Variants in C2CD4A observed in about 807,000 individuals in gnomAD.
C2CD4A encodes C2 calcium-dependent domain-containing protein 4A.
In C2CD4A, 2 loss-of-function variants were observed where a neutral mutation model predicts 0.4. The observed-to-expected ratio is 4.45, with a 90% CI of 1.82 to 13.99. The LOEUF (loss-of-function observed/expected upper bound fraction) is 13.99, where lower values mean the gene tolerates loss of function less well. C2CD4A is among the 30% of genes most tolerant of loss of function. The pLI, the probability that C2CD4A is intolerant of heterozygous loss-of-function variation, is 0.04. For missense variants in C2CD4A, 610 were observed against 574.2 expected (o/e 1.06, Z -0.64); for synonymous variants, 297 against 280.8 (o/e 1.06, Z -0.58).
Position 62,068,386 on chromosome 15 carries a change from G to T in C2CD4A, c.773G>T (p.Arg258Leu). 7.3e-7 allele frequency: 1 copy of T among 1,369,932 alleles called. No homozygotes were observed. Among genetic ancestry groups the T allele is most frequent in the Non-Finnish European group, 9.4e-7 (1 of 1,067,660 alleles). 84.9% of individuals were successfully genotyped at this position (1,369,932 alleles called of 1,614,324 possible). Residue 258 changes from arginine (R) to leucine (L), a missense_variant, in exon 2 of 2, where the codon CGC (arginine) becomes CTC (leucine). By Grantham distance (102) the Arg-to-Leu change is moderately radical (BLOSUM62 -2). Transcript: ENST00000355522. Reference sequence around the variant, plus strand: ...CTGGGCCGCGCCGGCGACGCCCTGCGCCTGGCCGCCGAGTACTGTCCGGGA... The same window carrying T: ...CTGGGCCGCGCCGGCGACGCCCTGCTCCTGGCCGCCGAGTACTGTCCGGGA... ...VALGRAGDAL[R>L]LAAEYCPGTG...
Position 62,070,394 on chromosome 15 carries a change from C to G in C2CD4A, c.*1671C>G. ...TCATAGCTCACTGCAGCCTCTACCT[C>G]CTGACACAAGCTGTCATCCCGCTTT... is the stretch of plus-strand genomic sequence containing the variant. On this transcript the variant is annotated 3_prime_UTR_variant, in exon 2 of 2. Transcript: ENST00000355522. The G allele has an allele frequency of 4.8e-6, 2 of 413,402 alleles. No individual in the cohort carries two copies. Among genetic ancestry groups the G allele is most frequent in the East Asian group, 7.1e-5 (2 of 28,072 alleles). 25.6% of individuals were successfully genotyped at this position (413,402 alleles called of 1,614,324 possible). A position where few individuals can be genotyped will look rare whatever the true frequency, so the allele number is the denominator to read the frequency against.
At position 62,069,618 on chromosome 15, in the gene C2CD4A, C is replaced by T. The variant is rs1364133080; in HGVS notation, c.*895C>T. ...TAATAATAATAAATAGTTTTACAAG[C>T]GTTAATTTATGTTTTAACCCCCAAA... On this transcript the variant is annotated 3_prime_UTR_variant, in exon 2 of 2. Transcript: ENST00000355522. The T allele has an allele frequency of 3.0e-5, 5 of 166,486 alleles. No homozygotes were observed. Among genetic ancestry groups the T allele is most frequent in the Admixed American group, 2.0e-4 (3 of 15,256 alleles). The allele number at this position is 166,486 out of a possible 1,614,324, so 10.3% of individuals were successfully genotyped here.
At position 62,067,864 on chromosome 15, in the gene C2CD4A, A is replaced by G; in HGVS notation, c.251A>G (p.Asp84Gly). 6.2e-7 allele frequency: 1 copy of G among 1,607,870 alleles called. No homozygotes were observed. Among genetic ancestry groups the G allele is most frequent in the East Asian group, 2.2e-5 (1 of 44,798 alleles). ...MDEGAGRTDW[D>G]PRSQAALSLP... is the part of the protein sequence containing the mutation. ...GAGGGCGCCGGCCGCACAGACTGGGACCCGCGCTCGCAGGCCGCGCTGTCA... is the reference window on the plus strand; with the variant it reads ...GAGGGCGCCGGCCGCACAGACTGGGGCCCGCGCTCGCAGGCCGCGCTGTCA... Residue 84 changes from aspartate (D) to glycine (G), a missense_variant, in exon 2 of 2, where the codon GAC becomes GGC. By Grantham distance (94) the Asp-to-Gly change is moderately conservative (BLOSUM62 -1). Coordinates refer to ENST00000355522, the MANE Select transcript of C2CD4A (RefSeq NM_207322.3).
In C2CD4A at chr15:62,069,777, G is replaced by A. The variant is rs1352434590; in HGVS notation, c.*1054G>A. On this transcript the variant is annotated 3_prime_UTR_variant, in exon 2 of 2. Transcript: ENST00000355522. ...GTAGGTAATACCACAGTGTCTAAAG[G>A]GCTCGCTATTAAAGTTGCGAGTATT... 1 of 167,008 alleles carries A rather than the reference G, an allele frequency of 6.0e-6. No homozygotes were observed. Among genetic ancestry groups the A allele is most frequent in the African/African-American group, 2.4e-5 (1 of 41,398 alleles). 10.3% of individuals were successfully genotyped at this position (167,008 alleles called of 1,614,324 possible).
Position 62,068,694 on chromosome 15 carries a change from C to T in C2CD4A, c.1081C>T (p.Leu361=). ...GGGCCGCCTGCTGGGCCAGGGTGAG[C>T]TGTCCCTGGGCGCCCTCCTGCTGCT... ...ERGRLLGQGE[L]SLGALLLL is the part of the protein sequence containing the mutation. The change falls in exon 2 of 2, where the codon CTG becomes TTG. Residue 361 remains leucine, a synonymous_variant. Coordinates refer to ENST00000355522, the MANE Select transcript of C2CD4A (RefSeq NM_207322.3). 2 of 1,535,084 alleles carry T rather than the reference C, an allele frequency of 1.3e-6. No individual in the cohort carries two copies. Among genetic ancestry groups the T allele is most frequent in the Non-Finnish European group, 1.8e-6 (2 of 1,138,604 alleles).
At position 62,068,150 on chromosome 15, in the gene C2CD4A, C is replaced by T; in HGVS notation, c.537C>T (p.Cys179=). Residue 179 remains cysteine, a synonymous_variant, in exon 2 of 2, where the codon TGC becomes TGT. Transcript: ENST00000355522. ...CGCTCGCCCGGCGGCCCCGCGGCTG[C>T]CGCCTCCTGCGCGTCCCCGACGGGC... The part of the protein sequence containing the change: ...QDALARRPRG[C]RLLRVPDGLL... 8.2e-7 allele frequency: 1 copy of T among 1,216,390 alleles called. No homozygotes were observed. Among genetic ancestry groups the T allele is most frequent in the Non-Finnish European group, 1.0e-6 (1 of 979,980 alleles). The allele number at this position is 1,216,390 out of a possible 1,614,324, so 75.3% of individuals were successfully genotyped here. A position where few individuals can be genotyped will look rare whatever the true frequency, so the allele number is the denominator to read the frequency against.
rs1295834579 is a variant in C2CD4A at position 62,068,732 on chromosome 15, C to T, written c.*9C>T. 4.1e-6 allele frequency: 6 copies of T among 1,461,534 alleles called. No individual in the cohort carries two copies. Among genetic ancestry groups the T allele is most frequent in the Non-Finnish European group, 5.4e-6 (6 of 1,101,562 alleles). The allele number at this position is 1,461,534 out of a possible 1,614,324, so 90.5% of individuals were successfully genotyped here. On this transcript the variant is annotated 3_prime_UTR_variant, in exon 2 of 2. Transcript: ENST00000355522. Reference sequence around the variant, plus strand: ...CCCTCCTGCTGCTCTGAGGGCCCAGCCCTCCCCGGGGCGCTCTGCCCGGGG... The same window carrying T: ...CCCTCCTGCTGCTCTGAGGGCCCAGTCCTCCCCGGGGCGCTCTGCCCGGGG...
chr15:62,068,728 C>T lies in C2CD4A; in HGVS notation c.*5C>T. 1 of 1,468,626 alleles carries T rather than the reference C, an allele frequency of 6.8e-7. No homozygotes were observed. The highest frequency in any genetic ancestry group is 9.0e-7 in the Non-Finnish European group (1 of 1,107,556). The allele number at this position is 1,468,626 out of a possible 1,614,324, so 91.0% of individuals were successfully genotyped here. ...GGCGCCCTCCTGCTGCTCTGAGGGC[C>T]CAGCCCTCCCCGGGGCGCTCTGCCC... On this transcript the variant is annotated 3_prime_UTR_variant, in exon 2 of 2. Transcript: ENST00000355522.
rs1433716537 is a variant in C2CD4A at position 62,067,576 on chromosome 15, G to A, written c.-29-9G>A. 7.8e-6 allele frequency: 12 copies of A among 1,546,376 alleles called. No homozygotes were observed. In the East Asian group the frequency reaches 2.0e-4, roughly 26 times the overall value. ...GCTCTGACGATCCTTGTGCCTTTGT[G>A]CACTGCAGGTAGACAAGCTCCAGCA... On this transcript the variant is annotated splice_polypyrimidine_tract_variant and intron_variant, in intron 1 of 1. Coordinates refer to ENST00000355522, the MANE Select transcript of C2CD4A (RefSeq NM_207322.3).
At position 62,068,379 on chromosome 15, in the gene C2CD4A, G is replaced by T; in HGVS notation, c.766G>T (p.Ala256Ser). 7.3e-7 allele frequency: 1 copy of T among 1,361,758 alleles called. No individual in the cohort carries two copies. 84.4% of individuals were successfully genotyped at this position (1,361,758 alleles called of 1,614,324 possible). The change falls in exon 2 of 2, where the codon GCC (alanine) becomes TCC (serine). Residue 256 changes from alanine to serine, a missense_variant. Coordinates refer to ENST00000355522, the MANE Select transcript of C2CD4A (RefSeq NM_207322.3). ...GTVALGRAGDALRLAAEYCPG... is the reference protein window; with the variant it reads ...GTVALGRAGDSLRLAAEYCPG... ...CGTGGCTCTGGGCCGCGCCGGCGAC[G>T]CCCTGCGCCTGGCCGCCGAGTACTG... is the stretch of plus-strand genomic sequence containing the variant.
Position 62,068,253 on chromosome 15 carries a change from A to G in C2CD4A, c.640A>G (p.Lys214Glu), listed in dbSNP as rs1378660724. 9.4e-6 allele frequency: 13 copies of G among 1,376,352 alleles called. No individual in the cohort carries two copies. The highest frequency in any genetic ancestry group is 9.1e-5 in the African/African-American group (6 of 65,914). 85.3% of individuals were successfully genotyped at this position (1,376,352 alleles called of 1,614,324 possible). A position where few individuals can be genotyped will look rare whatever the true frequency, so the allele number is the denominator to read the frequency against. Residue 214 changes from lysine to glutamate, a missense_variant, in exon 2 of 2, where the codon AAG becomes GAG. Lys to Glu is a moderately conservative substitution (Grantham distance 56, BLOSUM62 1). Coordinates refer to ENST00000355522, the MANE Select transcript of C2CD4A (RefSeq NM_207322.3). Reference sequence around the variant, plus strand: ...CTCCGTCTCCAGCGGGAACGAGGACAAGGAGCGCCGCGCGGGCTCCCAGTC... The same window carrying G: ...CTCCGTCTCCAGCGGGAACGAGGACGAGGAGCGCCGCGCGGGCTCCCAGTC... The part of the protein sequence containing the change: ...VRSVSSGNED[K>E]ERRAGSQSPA...
chr15:62,068,717 G>C lies in C2CD4A; in HGVS notation c.1104G>C (p.Leu368=). ...QGELSLGALL[L]L ...AGCTGTCCCTGGGCGCCCTCCTGCT[G>C]CTCTGAGGGCCCAGCCCTCCCCGGG... Residue 368 remains leucine (L), a synonymous_variant, in exon 2 of 2, where the codon CTG becomes CTC. Transcript: ENST00000355522. 10 of 1,499,786 alleles carry C rather than the reference G, an allele frequency of 6.7e-6. No individual in the cohort carries two copies. Among genetic ancestry groups the C allele is most frequent in the Non-Finnish European group, 8.9e-6 (10 of 1,121,278 alleles). The allele number at this position is 1,499,786 out of a possible 1,614,324, so 92.9% of individuals were successfully genotyped here.
Position 62,068,291 on chromosome 15 carries a change from C to A in C2CD4A, c.678C>A (p.Ala226=). ...CGGGCTCCCAGTCCCCGGCCCGGGC[C>A]CCCTCCACGAGCCCGCCGTCGTCCC... is the stretch of plus-strand genomic sequence containing the variant. The part of the protein sequence containing the change: ...RRAGSQSPAR[A]PSTSPPSSRV... Residue 226 remains alanine, a synonymous_variant, in exon 2 of 2, where the codon GCC becomes GCA. Coordinates refer to ENST00000355522, the MANE Select transcript of C2CD4A (RefSeq NM_207322.3). 13 of 1,411,296 alleles carry A rather than the reference C, an allele frequency of 9.2e-6. No homozygotes were observed. Among genetic ancestry groups the A allele is most frequent in the Admixed American group, 2.7e-5 (1 of 36,686 alleles). 87.4% of individuals were successfully genotyped at this position (1,411,296 alleles called of 1,614,324 possible). A position where few individuals can be genotyped will look rare whatever the true frequency, so the allele number is the denominator to read the frequency against.
chr15:62,068,908 T>A lies in C2CD4A; in HGVS notation c.*185T>A, dbSNP rs190386359. 2,537 of 889,756 alleles carry A rather than the reference T, an allele frequency of 2.9e-3. 48 individuals are homozygous for A. In the African/African-American group the frequency reaches 0.041, roughly 14 times the overall value. 55.1% of individuals were successfully genotyped at this position (889,756 alleles called of 1,614,324 possible). A position where few individuals can be genotyped will look rare whatever the true frequency, so the allele number is the denominator to read the frequency against. ...TTTTCCATAGATACCTCCAGAATTT[T>A]TTTCAGCAAATGGAATGGTTCTACA... On this transcript the variant is annotated 3_prime_UTR_variant, in exon 2 of 2. Coordinates refer to ENST00000355522, the MANE Select transcript of C2CD4A (RefSeq NM_207322.3).
Position 62,068,649 on chromosome 15 carries a change from G to T in C2CD4A, c.1036G>T (p.Glu346Ter). ...GGCCGTTCGAGTCAAGGCCCGGGAC[G>T]AGGGCCGCGGCCGGGAGCGGGGCCG... ...RLAVRVKARD[E>*]GRGRERGRLL... is the part of the protein sequence containing the mutation. The change falls in exon 2 of 2, where the codon GAG becomes TAG. Residue 346 changes from glutamate to a stop codon, truncating the protein, a stop_gained. Coordinates refer to ENST00000355522, the MANE Select transcript of C2CD4A (RefSeq NM_207322.3). LOFTEE classifies it high-confidence loss of function. 1.3e-6 allele frequency: 2 copies of T among 1,550,784 alleles called. No homozygotes were observed.
Position 62,068,374 on chromosome 15 carries a change from G to GCGACGCCCTGCGCCTGGCCGC in C2CD4A, c.765_785dup (p.Asp255_Ala261dup). On this transcript the variant is annotated inframe_insertion, in exon 2 of 2. Transcript: ENST00000355522. ...GGCACCGTGGCTCTGGGCCGCGCCG[G>GCGACGCCCTGCGCCTGGCCGC]CGACGCCCTGCGCCTGGCCGCCGAG... The GCGACGCCCTGCGCCTGGCCGC allele has an allele frequency of 7.3e-7, 1 of 1,360,968 alleles. No individual in the cohort carries two copies. Among genetic ancestry groups the GCGACGCCCTGCGCCTGGCCGC allele is most frequent in the East Asian group, 3.1e-5 (1 of 31,948 alleles). The allele number at this position is 1,360,968 out of a possible 1,614,324, so 84.3% of individuals were successfully genotyped here. A position where few individuals can be genotyped will look rare whatever the true frequency, so the allele number is the denominator to read the frequency against.
rs775832004 is a variant in C2CD4A, at chr15:62,067,906, G to A, written c.293G>A (p.Arg98His). 6.3e-6 allele frequency: 10 copies of A among 1,596,094 alleles called. No homozygotes were observed. The South Asian group carries it at 8.9e-5, about 14-fold the overall frequency. Residue 98 changes from arginine (R) to histidine (H), a missense_variant, in exon 2 of 2, where the codon CGT (arginine) becomes CAT (histidine). Arg to His is a conservative substitution (Grantham distance 29, BLOSUM62 0). Coordinates refer to ENST00000355522, the MANE Select transcript of C2CD4A (RefSeq NM_207322.3). Reference sequence around the variant, plus strand: ...GCGCTGTCACTGCCGCACCTGCCCCGTGTGCGCACCGCCTACGGCTTCTGC... The same window carrying A: ...GCGCTGTCACTGCCGCACCTGCCCCATGTGCGCACCGCCTACGGCTTCTGC... The part of the protein sequence containing the change: ...QAALSLPHLP[R>H]VRTAYGFCAL...
At position 62,067,824 on chromosome 15, in the gene C2CD4A, G is replaced by A; in HGVS notation, c.211G>A (p.Glu71Lys). 1 of 1,611,542 alleles carries A rather than the reference G, an allele frequency of 6.2e-7. No homozygotes were observed. The highest frequency in any genetic ancestry group is 8.5e-7 in the Non-Finnish European group (1 of 1,179,836). Residue 71 changes from glutamate (E) to lysine (K), a missense_variant, in exon 2 of 2, where the codon GAA (glutamate) becomes AAA (lysine). By Grantham distance (56) the Glu-to-Lys change is moderately conservative. Transcript: ENST00000355522. ...LAALRNSWVE[E>K]AGMDEGAGRT... ...TGCGCTCCGGAATTCTTGGGTCGAA[G>A]AAGCAGGGATGGACGAGGGCGCCGG... is the stretch of plus-strand genomic sequence containing the variant.
In C2CD4A at chr15:62,069,568, G is replaced by C. The variant is rs897547147; in HGVS notation, c.*845G>C. On this transcript the variant is annotated 3_prime_UTR_variant, in exon 2 of 2. Transcript: ENST00000355522. ...CTGCACTCCAACCTGGGCAACCGGA[G>C]TGAGACCCTGTCTGCAAATAATAAT... 1.9e-5 allele frequency: 3 copies of C among 157,216 alleles called. No individual in the cohort carries two copies. Among genetic ancestry groups the C allele is most frequent in the African/African-American group, 7.4e-5 (3 of 40,480 alleles). 9.7% of individuals were successfully genotyped at this position (157,216 alleles called of 1,614,324 possible).
Sources: allele counts gnomAD v4.1 joint callset, GRCh38; gene constraint gnomAD v4.1.1; transcripts MANE v1.5; gene names NCBI Gene and HGNC (gene_info 2026-07-23, HGNC 2026-07-21).